Variants in IGF1 observed in about 807,000 individuals in gnomAD.
IGF1 encodes insulin-like growth factor 1.
Under a neutral mutation model 13.8 loss-of-function variants are expected in IGF1, and 4 were observed. That is an observed-to-expected ratio of 0.29 (90% CI 0.14 to 0.66). The LOEUF (loss-of-function observed/expected upper bound fraction) is 0.66. IGF1 is among the 30% of genes least tolerant of loss of function. The pLI is 0.78. For synonymous variants in IGF1, 76 were observed against 72.6 expected (o/e 1.05, Z -0.23); for missense variants, 124 against 188.5 (o/e 0.66, Z 2.00).
intron 2 of IGF1, chr12:102,463,404 C>T (rs1386773561): frequency 1.3e-5 from 2 of 152,184 alleles, no homozygotes; most frequent in African/African-American, 4.8e-5. Context: ...GACAACACAT[C>T]GATAATTCCT....
At chr12:102,460,495 G>A (rs1385668297) in intron 2 of IGF1, among the ~76,000 whole-genome samples, 1 of 152,160 alleles carries the variant, frequency 6.6e-6, no homozygotes, top group Non-Finnish European at 1.5e-5. Flanking sequence ...TCTCCCTTGG[G>A]TATTGCTAAA....
chr12:102,442,448 T>G (rs977481412), intron 2 of IGF1, among the ~76,000 whole-genome samples: 1 of 152,110 alleles, frequency 6.6e-6, no homozygotes, highest in Admixed American at 6.5e-5. Flanking sequence ...TTTCTTCACC[T>G]TTTTCCACAG....
rs1873530191 is a variant in IGF1 at position 102,399,816 on chromosome 12, T to C, written c.*2691A>G. On this transcript the variant is annotated 3_prime_UTR_variant, in exon 4 of 4. Transcript: ENST00000337514. Reference sequence around the variant, plus strand: ...CGTTAAGTCTGCAGAAGACTGCCTATAAAGTTTTGTTGAGAGGGAATAATT... The same window carrying C: ...CGTTAAGTCTGCAGAAGACTGCCTACAAAGTTTTGTTGAGAGGGAATAATT... The C allele has an allele frequency of 6.6e-6, 1 of 152,198 alleles. No individual in the cohort carries two copies. The highest frequency in any genetic ancestry group is 2.1e-4 in the South Asian group (1 of 4,836). The allele number at this position is 152,198 out of a possible 1,614,324, so 9.4% of individuals were successfully genotyped here.
At chr12:102,441,955 CTTTTT>C (rs1268306262) in intron 2 of IGF1, among the ~76,000 whole-genome samples, 1 of 139,980 alleles carries the variant, frequency 7.1e-6, no homozygotes, top group Non-Finnish European at 1.6e-5. Flanking sequence ...TCTTCTTCTT[CTTTTT>C]TTTTTTTGAG....
At chr12:102,447,568 G>T (rs1878467342) in intron 2 of IGF1, among the ~76,000 whole-genome samples, 1 of 151,916 alleles carries the variant, frequency 6.6e-6, no homozygotes, top group South Asian at 2.1e-4. Flanking sequence ...CTTTTTATTT[G>T]CTTGGTAAAT....
intron 2 of IGF1, among the ~76,000 whole-genome samples, chr12:102,431,747 A>G (rs968399025): frequency 4.6e-5 from 7 of 152,190 alleles, no homozygotes; most frequent in African/African-American, 1.7e-4. Context: ...AGGCATCTAA[A>G]TGGACCCACT....
intron 2 of IGF1, among the ~76,000 whole-genome samples, chr12:102,438,490 C>T (rs1734696828): frequency 6.6e-6 from 1 of 152,144 alleles, no homozygotes; most frequent in Non-Finnish European, 1.5e-5. Context: ...CGAGGAACAG[C>T]CTATTCAAGT....
At chr12:102,444,166 T>C (rs1029227387) in intron 2 of IGF1, among the ~76,000 whole-genome samples, 4 of 151,966 alleles carry the variant, frequency 2.6e-5, no homozygotes, top group African/African-American at 9.7e-5. Context: ...GGTGCTGCTA[T>C]TGGGTGTGAG....
chr12:102,458,186 A>C (rs1268740001), intron 2 of IGF1, among the ~76,000 whole-genome samples: 2 of 152,182 alleles, frequency 1.3e-5, no homozygotes, highest in African/African-American at 4.8e-5. Context: ...AGAAATTGAC[A>C]CTTTTGAATG....
At chr12:102,430,121 T>C (rs998426106) in intron 2 of IGF1, among the ~76,000 whole-genome samples, 1 of 152,140 alleles carries the variant, frequency 6.6e-6, no homozygotes, top group Non-Finnish European at 1.5e-5. Context: ...GAAAGCTGTG[T>C]GGAGGCATCA....
rs587779350 is a variant in IGF1, at chr12:102,419,619, G to A, written c.292C>T (p.Arg98Trp). The change falls in exon 3 of 4, where the codon CGG becomes TGG. Residue 98 changes from arginine (R) to tryptophan (W), a missense_variant. Around this residue, in one of 2 missense-constraint regions of IGF1, gnomAD observed 99 missense variants for 171.4 expected, o/e 0.58. Transcript: ENST00000337514. ...QTGIVDECCF[R>W]SCDLRRLEMY... ...TCCAGCCTCCTTAGATCACAGCTCC[G>A]GAAGCAGCACTCATCCACGATGCCT... 5 of 1,613,560 alleles carry A rather than the reference G, an allele frequency of 3.1e-6. No individual in the cohort carries two copies. The highest frequency in any genetic ancestry group is 3.4e-6 in the Non-Finnish European group (4 of 1,180,014).
chr12:102,400,131 C>T lies in IGF1; in HGVS notation c.*2376G>A, dbSNP rs190731678. 4 of 144,928 alleles carry T rather than the reference C, an allele frequency of 2.8e-5. No individual in the cohort carries two copies. Among genetic ancestry groups the T allele is most frequent in the Non-Finnish European group, 4.5e-5 (3 of 66,416 alleles). 9.0% of individuals were successfully genotyped at this position (144,928 alleles called of 1,614,324 possible). On this transcript the variant is annotated 3_prime_UTR_variant, in exon 4 of 4. Coordinates refer to ENST00000337514, the MANE Select transcript of IGF1 (RefSeq NM_000618.5). ...GCATATATTCAGAGATCCAGGGAGT[C>T]TTTTTTTTTTTTTTCCTGGCCTCTG...
chr12:102,478,503 T>C, intron 1 of IGF1: 2 of 1,611,118 alleles, frequency 1.2e-6, no homozygotes, highest in Non-Finnish European at 1.7e-6. Context: ...TGTAATCATT[T>C]TTGTTTGTTC....
chr12:102,469,112 C>T (rs934485052), intron 2 of IGF1, among the ~76,000 whole-genome samples: 1 of 152,168 alleles, frequency 6.6e-6, no homozygotes, highest in Admixed American at 6.5e-5. Context: ...TCAAACAGCT[C>T]GTTGAGTAAT....
chr12:102,406,673 G>A (rs1874179168), intron 3 of IGF1, among the ~76,000 whole-genome samples: 1 of 152,150 alleles, frequency 6.6e-6, no homozygotes, highest in African/African-American at 2.4e-5. Flanking sequence ...TACCCATTAT[G>A]GACAGACACG....
rs1490954552 is a variant in IGF1 at position 102,427,712 on chromosome 12, G to T, written c.221-8022C>A. Reference sequence around the variant, plus strand: ...ACGCTCCTTAAAGAGAGGCATCCGGGCCTGCATCAGGGAGTAAACTGTTGG... The same window carrying T: ...ACGCTCCTTAAAGAGAGGCATCCGGTCCTGCATCAGGGAGTAAACTGTTGG... On this transcript the variant is annotated intron_variant, in intron 2 of 3. Transcript: ENST00000337514. 4.6e-5 allele frequency among the ~76,000 whole-genome samples: 7 copies of T among 152,162 alleles called. No homozygotes were observed. In the East Asian group the frequency reaches 1.2e-3, roughly 25 times the overall value.
At chr12:102,447,242 C>G (rs17886416) in intron 2 of IGF1, among the ~76,000 whole-genome samples, 1 of 152,052 alleles carries the variant, frequency 6.6e-6, no homozygotes, top group Non-Finnish European at 1.5e-5. Context: ...CTATCAGGTC[C>G]GCTTGATCCA....
rs563997100 is a variant in IGF1, at chr12:102,432,934, G to A, written c.221-13244C>T. Among the ~76,000 whole-genome samples, 18 of 152,240 alleles carry A rather than the reference G, an allele frequency of 1.2e-4. 1 individual carries two copies. In the South Asian group the frequency reaches 3.1e-3, roughly 26 times the overall value. On this transcript the variant is annotated intron_variant, in intron 2 of 3. Transcript: ENST00000337514. ...ACTTAAAAAGAAAATCACCAAGTAC[G>A]TATGAGGTTTCTTCTCTGGGGTAGG...
At chr12:102,410,146 T>G (rs989777382) in intron 3 of IGF1, among the ~76,000 whole-genome samples, 3 of 152,168 alleles carry the variant, frequency 2.0e-5, no homozygotes, top group African/African-American at 7.2e-5. Context: ...TTCAAATATT[T>G]CTGCCTGTGA....
Sources: gnomAD v4.1 joint callset for allele counts (sites outside exome capture counted in the v4.1 genomes callset) on GRCh38, gnomAD v4.1.1 for gene constraint, gnomAD v4.1.1 regional missense constraint, MANE v1.5 for transcripts, NCBI Gene and HGNC (gene_info 2026-07-23, HGNC 2026-07-21) for gene names.